Variants in TSPAN18 observed in about 807,000 individuals in gnomAD.
TSPAN18 encodes the protein tetraspanin 18.
In TSPAN18, 14 loss-of-function variants were observed where a neutral mutation model predicts 27.3. The ratio of observed to expected loss-of-function variants is 0.51; its 90% CI spans 0.34 to 0.80. TSPAN18 has a LOEUF of 0.80. TSPAN18 is among the 30% of genes least tolerant of loss of function. TSPAN18 has a pLI of 0.01. For missense variants in TSPAN18, 268 were observed against 323.9 expected, an observed-to-expected ratio of 0.83 and a Z score of 1.32; for synonymous variants, 143 against 136.5, an observed-to-expected ratio of 1.05 and a Z score of -0.33.
At chr11:44,738,657 C>A (rs1854857083) in intron 1 of TSPAN18, among the ~76,000 whole-genome samples, 1 of 152,180 alleles carries the variant, frequency 6.6e-6, no homozygotes, top group Admixed American at 6.5e-5. Context: ...TCCCTGGTGT[C>A]TCCCATGTGT....
intron 2 of TSPAN18, among the ~76,000 whole-genome samples, chr11:44,837,352 A>G (rs903018136): frequency 5.9e-5 from 9 of 152,214 alleles, no homozygotes; most frequent in Non-Finnish European, 8.8e-5. Context: ...TTAGAAATGG[A>G]GGCTGAGGCT....
intron 2 of TSPAN18, among the ~76,000 whole-genome samples, chr11:44,798,066 G>A (rs1177452187): frequency 6.6e-6 from 1 of 152,144 alleles, no homozygotes; most frequent in Non-Finnish European, 1.5e-5. Context: ...ATTAACATCT[G>A]AACACACTTC....
chr11:44,837,271 G>A (rs138485856), intron 2 of TSPAN18, among the ~76,000 whole-genome samples: 141 of 152,356 alleles, frequency 9.3e-4, no homozygotes, highest in Admixed American at 8.2e-3. Context: ...ACCCTTATGA[G>A]TGACTTCGGG....
Position 44,768,593 on chromosome 11 carries a change from TTCTTG to T in TSPAN18, c.-153+4086_-153+4090del, listed in dbSNP as rs143021533. ...CTTCTCAATCTGTATGCCTTTTCTTTTCTTGTCTTATTGCAGTAGCTAGGACTTCC... is the reference window on the plus strand; with the variant it reads ...CTTCTCAATCTGTATGCCTTTTCTTTTCTTATTGCAGTAGCTAGGACTTCC... On this transcript the variant is annotated intron_variant, in intron 2 of 9. Coordinates refer to ENST00000520358, the MANE Select transcript of TSPAN18 (RefSeq NM_130783.5). Among the ~76,000 whole-genome samples, 272 of 152,282 alleles carry T rather than the reference TTCTTG, an allele frequency of 1.8e-3. 8 individuals carry two copies. In the East Asian group the frequency reaches 0.041, roughly 23 times the overall value.
chr11:44,900,402 T>C (rs1161073596), intron 3 of TSPAN18, among the ~76,000 whole-genome samples: 1 of 152,026 alleles, frequency 6.6e-6, no homozygotes, highest in Non-Finnish European at 1.5e-5. Context: ...TGATTAGGAG[T>C]TGTGGCCCCA....
chr11:44,838,820 A>G (rs835780), intron 2 of TSPAN18, among the ~76,000 whole-genome samples: 133,419 of 152,224 alleles, frequency 0.88, 58,537 homozygotes, highest in East Asian at 0.93. Flanking sequence ...TAATTAACAA[A>G]ATAATACATT....
chr11:44,739,449 C>G (rs919162650), intron 1 of TSPAN18, among the ~76,000 whole-genome samples: 4 of 152,100 alleles, frequency 2.6e-5, no homozygotes, highest in Admixed American at 6.5e-5. Flanking sequence ...ACTGTGAAAC[C>G]CTGTCTCTAC....
chr11:44,888,252 G>A (rs965139348), intron 3 of TSPAN18, among the ~76,000 whole-genome samples: 15 of 152,168 alleles, frequency 9.9e-5, no homozygotes, highest in Admixed American at 9.8e-4. Context: ...CTGAGACCCT[G>A]TTCTTCTCTC....
chr11:44,748,787 G>T (rs1358684970), intron 1 of TSPAN18, among the ~76,000 whole-genome samples: 1 of 152,174 alleles, frequency 6.6e-6, no homozygotes, highest in Non-Finnish European at 1.5e-5. Flanking sequence ...GGGAGGGGCG[G>T]CGGAAATCAA....
intron 8 of TSPAN18, among the ~76,000 whole-genome samples, chr11:44,922,049 T>C (rs7124245): frequency 0.28 from 41,753 of 151,686 alleles, 8,243 homozygotes; most frequent in African/African-American, 0.56. Flanking sequence ...CCGTTAAAAA[T>C]CTGCTGCTGT....
At chr11:44,728,259 T>G (rs2134780406) in intron 1 of TSPAN18, among the ~76,000 whole-genome samples, 1 of 152,300 alleles carries the variant, frequency 6.6e-6, no homozygotes, top group Middle Eastern at 3.4e-3. Context: ...TCGGGAAGGC[T>G]GCCAGGGCAA....
chr11:44,854,525 T>C (rs915133911), intron 2 of TSPAN18, among the ~76,000 whole-genome samples: 1 of 152,190 alleles, frequency 6.6e-6, no homozygotes, highest in Non-Finnish European at 1.5e-5. Flanking sequence ...TGCACCCTCT[T>C]AGACTGTGTT....
rs919554972 is a variant in TSPAN18, at chr11:44,848,400, C to T, written c.-152-11928C>T. Among the ~76,000 whole-genome samples the T allele has an allele frequency of 5.3e-5, 8 of 152,186 alleles. No individual in the cohort carries two copies. In the East Asian group the frequency reaches 5.8e-4, roughly 11 times the overall value. On this transcript the variant is annotated intron_variant, in intron 2 of 9. Transcript: ENST00000520358. ...CTGAGCTGCCTTCCCCCAAGGAGTG[C>T]GCCCTTAGCGACCACTGATGCTGCA...
intron 1 of TSPAN18, among the ~76,000 whole-genome samples, chr11:44,731,627 T>TGA (rs1251803223): frequency 0.043 from 3,648 of 84,096 alleles, 85 homozygotes; most frequent in South Asian, 0.2. Context: ...TGTGTGTGTG[T>TGA]GTGTGTGAGA....
chr11:44,808,462 A>G (rs1221161923), intron 2 of TSPAN18, among the ~76,000 whole-genome samples: 1 of 152,244 alleles, frequency 6.6e-6, no homozygotes, highest in Non-Finnish European at 1.5e-5. Context: ...AAAGGCATCC[A>G]TAGGCTCTGC....
At chr11:44,850,159 G>A (rs540658387) in intron 2 of TSPAN18, among the ~76,000 whole-genome samples, 2 of 152,154 alleles carry the variant, frequency 1.3e-5, no homozygotes, top group Admixed American at 1.3e-4. Context: ...CCCAGGGCCC[G>A]CCAAGTCCTG....
At chr11:44,915,853 G>A (rs1404417180) in intron 5 of TSPAN18, among the ~76,000 whole-genome samples, 3 of 152,214 alleles carry the variant, frequency 2.0e-5, no homozygotes, top group Non-Finnish European at 4.4e-5. Flanking sequence ...AAGAGACCGT[G>A]AGAACAGCGT....
At chr11:44,792,219 G>A (rs189171380) in intron 2 of TSPAN18, among the ~76,000 whole-genome samples, 22 of 152,230 alleles carry the variant, frequency 1.4e-4, no homozygotes, top group Admixed American at 3.3e-4. Context: ...GTGATGCCGG[G>A]GGAAGCTGTT....
intron 2 of TSPAN18, among the ~76,000 whole-genome samples, chr11:44,851,465 A>G (rs1486730627): frequency 1.3e-5 from 2 of 152,162 alleles, no homozygotes; most frequent in Non-Finnish European, 2.9e-5. Context: ...TGTCTCCATC[A>G]GCTTCTGGAG....
Sources: gnomAD v4.1 joint callset for allele counts (sites outside exome capture counted in the v4.1 genomes callset) on GRCh38, gnomAD v4.1.1 for gene constraint, MANE v1.5 for transcripts, NCBI Gene and HGNC (gene_info 2026-07-23, HGNC 2026-07-21) for gene names.